Variants in PDE3A observed in about 807,000 individuals in gnomAD.
The protein encoded by PDE3A is phosphodiesterase 3A.
PDE3A carries 43 observed loss-of-function variants against 98.3 expected under a neutral mutation model. That is an observed-to-expected ratio of 0.44 (90% CI 0.34 to 0.56). The LOEUF (loss-of-function observed/expected upper bound fraction) is 0.56. Among genes scored for constraint, PDE3A ranks in the 20% least tolerant of loss-of-function variants. PDE3A has a pLI of 0.01. For missense variants in PDE3A, 1,427 were observed against 1,440.7 expected, an observed-to-expected ratio of 0.99 and a Z score of 0.15; for synonymous variants, 663 against 567.9, an observed-to-expected ratio of 1.17 and a Z score of -2.38.
intron 2 of PDE3A, among the ~76,000 whole-genome samples, chr12:20,560,047 G>T (rs1194661248): frequency 6.6e-6 from 1 of 152,118 alleles, no homozygotes; most frequent in East Asian, 1.9e-4. Context: ...CTAAGAATTA[G>T]GACCATTAAC....
chr12:20,498,284 C>G (rs529237524), intron 1 of PDE3A, among the ~76,000 whole-genome samples: 71 of 152,104 alleles, frequency 4.7e-4, no homozygotes, highest in African/African-American at 1.7e-3. Context: ...ACCCCCCCAA[C>G]TGAAGGAAAT....
rs1944781557 is a variant in PDE3A at position 20,436,523 on chromosome 12, A to T, written c.960+66279A>T. Among the ~76,000 whole-genome samples the T allele has an allele frequency of 2.0e-5, 3 of 152,142 alleles. No individual in the cohort carries two copies. In the South Asian group the frequency reaches 6.2e-4, roughly 32 times the overall value. ...AACAGACCAAAAATGACTGACAGTT[A>T]TAGTGTCTGGGATTAGGGAGAAAAA... On this transcript the variant is annotated intron_variant, in intron 1 of 15. Coordinates refer to ENST00000359062, the MANE Select transcript of PDE3A (RefSeq NM_000921.5).
Position 20,369,649 on chromosome 12 carries a change from G to A in PDE3A, c.365G>A (p.Gly122Asp), listed in dbSNP as rs546207476. The change falls in exon 1 of 16, where the codon GGC becomes GAC. Residue 122 changes from glycine (G) to aspartate (D), a missense_variant. By Grantham distance (94) the Gly-to-Asp change is moderately conservative (BLOSUM62 -1). This residue lies in a region of PDE3A where 1,012 missense variants were observed against 886.5 expected (regional missense o/e 1.14). Coordinates refer to ENST00000359062, the MANE Select transcript of PDE3A (RefSeq NM_000921.5). ...FPGPRGGAPG[G>D]GARLSPWLQP... ...GGGCCTCGGGGAGGTGCTCCCGGGG[G>A]CGGTGCGCGGCTCAGCCCCTGGCTG... The A allele has an allele frequency of 1.9e-6, 3 of 1,599,786 alleles. No individual in the cohort carries two copies. In the African/African-American group the frequency reaches 4.0e-5, roughly 21 times the overall value.
At chr12:20,411,449 G>A (rs1044043541) in intron 1 of PDE3A, among the ~76,000 whole-genome samples, 1 of 151,974 alleles carries the variant, frequency 6.6e-6, no homozygotes, top group African/African-American at 2.4e-5. Context: ...TGTATTCAAG[G>A]TTTATGTGTA....
chr12:20,660,450 G>A (rs541959839), intron 15 of PDE3A, among the ~76,000 whole-genome samples: 6 of 152,224 alleles, frequency 3.9e-5, no homozygotes, highest in African/African-American at 1.2e-4. Context: ...GGAGGGCTCA[G>A]AAGAAGACAG....
intron 1 of PDE3A, among the ~76,000 whole-genome samples, chr12:20,538,195 T>C (rs1265498308): frequency 1.3e-5 from 2 of 152,080 alleles, no homozygotes; most frequent in Admixed American, 6.6e-5. Context: ...TCTGTGTGTG[T>C]GTGTTTAGAT....
At position 20,632,949 on chromosome 12, in the gene PDE3A, C is replaced by CTTTT. The variant is rs5796876; in HGVS notation, c.1761-728_1761-725dup. On this transcript the variant is annotated intron_variant, in intron 6 of 15. Transcript: ENST00000359062. ...AAATAAAATAAATCTAATAATGAGGCTTTTTTTTTTTTTTTTTTTGAGATG... is the reference window on the plus strand; with the variant it reads ...AAATAAAATAAATCTAATAATGAGGCTTTTTTTTTTTTTTTTTTTTTTTGAGATG... Among the ~76,000 whole-genome samples the CTTTT allele has an allele frequency of 5.8e-4, 59 of 102,112 alleles. 3 individuals carry two copies. Among genetic ancestry groups the CTTTT allele is most frequent in the African/African-American group, 7.6e-4 (19 of 25,120 alleles). The allele number at this position is 102,112 out of a possible 152,430, so 67.0% of individuals were successfully genotyped here.
chr12:20,594,091 A>G (rs963160050), intron 2 of PDE3A, among the ~76,000 whole-genome samples: 1 of 152,178 alleles, frequency 6.6e-6, no homozygotes, highest in South Asian at 2.1e-4. Flanking sequence ...AGAATTAGTG[A>G]GAGCAGAACT....
At chr12:20,443,787 C>T (rs1195914964) in intron 1 of PDE3A, among the ~76,000 whole-genome samples, 18 of 152,124 alleles carry the variant, frequency 1.2e-4, no homozygotes, top group East Asian at 5.8e-4. Flanking sequence ...TACTTATTTT[C>T]GTTTAGCAAA....
intron 1 of PDE3A, among the ~76,000 whole-genome samples, chr12:20,381,016 T>C (rs1272936469): frequency 6.6e-6 from 1 of 151,804 alleles, no homozygotes; most frequent in Non-Finnish European, 1.5e-5. Flanking sequence ...ATAATTGGAG[T>C]TGTTTTTTGC....
intron 1 of PDE3A, among the ~76,000 whole-genome samples, chr12:20,514,997 C>T (rs974821656): frequency 1.3e-5 from 2 of 152,152 alleles, no homozygotes; most frequent in African/African-American, 4.8e-5. Context: ...CTGACAAGGA[C>T]CTTCTTGCTG....
intron 1 of PDE3A, among the ~76,000 whole-genome samples, chr12:20,541,775 C>G (rs927219174): frequency 6.6e-6 from 1 of 152,166 alleles, no homozygotes; most frequent in South Asian, 2.1e-4. Context: ...TCTGAAATTA[C>G]TTTCAACATA....
At chr12:20,469,763 ATAT>A (rs1255427644) in intron 1 of PDE3A, among the ~76,000 whole-genome samples, 18 of 152,220 alleles carry the variant, frequency 1.2e-4, no homozygotes, top group African/African-American at 3.9e-4. Context: ...TTGAAAGGAA[ATAT>A]TATGTGGGTG....
intron 1 of PDE3A, among the ~76,000 whole-genome samples, chr12:20,382,093 G>A (rs2120549044): frequency 6.6e-6 from 1 of 151,810 alleles, no homozygotes. Flanking sequence ...TCAAAATTTA[G>A]TGTGAATAAA....
chr12:20,565,068 C>A (rs1942621604), intron 2 of PDE3A, among the ~76,000 whole-genome samples: 1 of 152,040 alleles, frequency 6.6e-6, no homozygotes, highest in Non-Finnish European at 1.5e-5. Flanking sequence ...TTACTTTAAG[C>A]CACAGTTTCT....
chr12:20,648,001 G>A (rs1435167490), intron 12 of PDE3A, among the ~76,000 whole-genome samples: 1 of 151,376 alleles, frequency 6.6e-6, no homozygotes, highest in Non-Finnish European at 1.5e-5. Context: ...CAGGCATTTT[G>A]TAGGCAGCTT....
At chr12:20,584,315 C>T (rs1278063933) in intron 2 of PDE3A, among the ~76,000 whole-genome samples, 3 of 152,060 alleles carry the variant, frequency 2.0e-5, no homozygotes, top group African/African-American at 7.3e-5. Flanking sequence ...TGATCAATAG[C>T]CCAGGGCATT....
At position 20,683,791 on chromosome 12, in the gene PDE3A, T is replaced by C. The variant is rs1945866786; in HGVS notation, c.*3520T>C. ...CAAGAAAGTATTTACTTCCTAAAAA[T>C]AGAATTCCCGATTCTGTCTATTTTG... On this transcript the variant is annotated 3_prime_UTR_variant, in exon 16 of 16. Transcript: ENST00000359062. 1 of 152,150 alleles carries C rather than the reference T, an allele frequency of 6.6e-6. No individual in the cohort carries two copies. The highest frequency in any genetic ancestry group is 2.1e-4 in the South Asian group (1 of 4,832). The allele number at this position is 152,150 out of a possible 1,614,324, so 9.4% of individuals were successfully genotyped here.
chr12:20,434,923 C>G (rs1944756142), intron 1 of PDE3A, among the ~76,000 whole-genome samples: 1 of 152,134 alleles, frequency 6.6e-6, no homozygotes, highest in African/African-American at 2.4e-5. Context: ...AGCAACTTTT[C>G]ATTCATATTA....
Sources: gnomAD v4.1 joint callset for allele counts (sites outside exome capture counted in the v4.1 genomes callset) on GRCh38, gnomAD v4.1.1 for gene constraint, gnomAD v4.1.1 regional missense constraint, MANE v1.5 for transcripts, NCBI Gene and HGNC (gene_info 2026-07-23, HGNC 2026-07-21) for gene names.